Variants in LOC728392 observed in about 807,000 individuals in gnomAD.
chr17:5,500,110 C>G, the LOC728392 span: 1 of 986,306 alleles, frequency 1.0e-6, no homozygotes, highest in African/African-American at 1.7e-5. This position sits in a 1 kb window ranked among gnomAD's most constrained non-coding sequence, Gnocchi z 5.4. Flanking sequence ...CAGCTGGCTC[C>G]TCCTGGGGGC....
chr17:5,500,116 G>C, the LOC728392 span: 1 of 986,446 alleles, frequency 1.0e-6, no homozygotes, highest in Non-Finnish European at 1.2e-6. This position sits in a 1 kb window ranked among gnomAD's most constrained non-coding sequence, Gnocchi z 5.4. Flanking sequence ...GCTCCTCCTG[G>C]GGGCGATGCA....
the LOC728392 span, chr17:5,499,804 C>T: frequency 1.1e-3 from 1,119 of 986,054 alleles, 7 homozygotes; most frequent in African/African-American, 0.019. Context: ...GTCTCATCCT[C>T]AGGAGTGCGC....
At chr17:5,500,947 C>G in the LOC728392 span, 1 of 1,253,430 alleles carries the variant, frequency 8.0e-7, no homozygotes, top group South Asian at 1.3e-5. The surrounding 1 kb of genome is among the most constrained non-coding windows in gnomAD (Gnocchi z 5.4). Context: ...CGAAAGAGCC[C>G]GTCAGCCATG....
chr17:5,501,006 T>G, the LOC728392 span: 1 of 1,158,322 alleles, frequency 8.6e-7, no homozygotes, highest in Non-Finnish European at 1.1e-6. Flanking sequence ...CAGAGCGCAG[T>G]GGGCGGTGGG....
chr17:5,500,032 G>C, the LOC728392 span: 12 of 986,148 alleles, frequency 1.2e-5, no homozygotes, highest in Non-Finnish European at 1.4e-5. This position sits in a 1 kb window ranked among gnomAD's most constrained non-coding sequence, Gnocchi z 5.4. Flanking sequence ...GCCACTTACC[G>C]AGTCCCGCCC....
the LOC728392 span, chr17:5,500,180 A>C: frequency 1.0e-6 from 1 of 986,288 alleles, no homozygotes; most frequent in East Asian, 1.1e-4. This position sits in a 1 kb window ranked among gnomAD's most constrained non-coding sequence, Gnocchi z 5.4. Context: ...TCCCTGCCGG[A>C]CCCTCTCTAG....
chr17:5,500,935 G>T, the LOC728392 span: 1 of 1,256,196 alleles, frequency 8.0e-7, no homozygotes, highest in Non-Finnish European at 1.0e-6. The surrounding 1 kb of genome is among the most constrained non-coding windows in gnomAD (Gnocchi z 5.4). Context: ...CAGGGTCTGC[G>T]CCGAAAGAGC....
At chr17:5,499,698 G>T in the LOC728392 span, 3 of 891,996 alleles carry the variant, frequency 3.4e-6, no homozygotes, top group Non-Finnish European at 4.0e-6. Context: ...CTTTTGTCTT[G>T]GGTCTCACAG....
At chr17:5,499,842 T>C in the LOC728392 span, 1 of 985,674 alleles carries the variant, frequency 1.0e-6, no homozygotes, top group Non-Finnish European at 1.2e-6. Context: ...GCCGGCGGGG[T>C]CTGCAGCCAC....
At chr17:5,500,701 A>C in the LOC728392 span, 5 of 1,266,472 alleles carry the variant, frequency 3.9e-6, no homozygotes, top group Non-Finnish European at 5.1e-6. This position sits in a 1 kb window ranked among gnomAD's most constrained non-coding sequence, Gnocchi z 5.4. Context: ...TCGAGATAGC[A>C]GCCCTCGTCC....
the LOC728392 span, chr17:5,500,866 G>A: frequency 8.0e-7 from 1 of 1,245,484 alleles, no homozygotes; most frequent in Non-Finnish European, 1.0e-6. This position sits in a 1 kb window ranked among gnomAD's most constrained non-coding sequence, Gnocchi z 5.4. Context: ...GGGTCTTCCG[G>A]GGGAGGCTTG....
the LOC728392 span, chr17:5,500,657 T>C: frequency 1.6e-6 from 2 of 1,274,244 alleles, no homozygotes; most frequent in East Asian, 7.4e-5. The surrounding 1 kb of genome is among the most constrained non-coding windows in gnomAD (Gnocchi z 5.4). Flanking sequence ...AGGCGATGGC[T>C]GCGTAGATGA....
At chr17:5,500,774 GC>G in the LOC728392 span, 1 of 1,160,170 alleles carries the variant, frequency 8.6e-7, no homozygotes, top group Non-Finnish European at 1.1e-6. The surrounding 1 kb of genome is among the most constrained non-coding windows in gnomAD (Gnocchi z 5.4). Context: ...GCCCGGCGCG[GC>G]CCCCCTGCGC....
the LOC728392 span, chr17:5,500,324 T>C: frequency 1.9e-6 from 2 of 1,040,448 alleles, no homozygotes; most frequent in South Asian, 2.9e-5. The surrounding 1 kb of genome is among the most constrained non-coding windows in gnomAD (Gnocchi z 5.4). Context: ...CCAGGGGCAT[T>C]CTAATTATAA....
At chr17:5,500,510 C>T in the LOC728392 span, 1 of 1,190,742 alleles carries the variant, frequency 8.4e-7, no homozygotes, top group African/African-American at 1.7e-5. The surrounding 1 kb of genome is among the most constrained non-coding windows in gnomAD (Gnocchi z 5.4). Flanking sequence ...GGGGGTGCAG[C>T]GCTGTTCTAA....
the LOC728392 span, chr17:5,499,748 G>C: frequency 1.0e-6 from 1 of 984,590 alleles, no homozygotes; most frequent in East Asian, 1.1e-4. Context: ...CCATCCTAGA[G>C]TCCCCAAGGA....
the LOC728392 span, chr17:5,500,110 C>T: frequency 4.8e-5 from 47 of 986,306 alleles, no homozygotes; most frequent in Non-Finnish European, 5.7e-5. This position sits in a 1 kb window ranked among gnomAD's most constrained non-coding sequence, Gnocchi z 5.4. Context: ...CAGCTGGCTC[C>T]TCCTGGGGGC....
At chr17:5,500,981 C>G in the LOC728392 span, 9 of 1,231,556 alleles carry the variant, frequency 7.3e-6, no homozygotes, top group Non-Finnish European at 9.5e-6. This position sits in a 1 kb window ranked among gnomAD's most constrained non-coding sequence, Gnocchi z 5.4. Context: ...GTAGGTGGGT[C>G]AGCCGGGTCT....
the LOC728392 span, chr17:5,499,972 G>T: frequency 1.0e-6 from 1 of 986,090 alleles, no homozygotes; most frequent in African/African-American, 1.7e-5. Flanking sequence ...AAAACACACA[G>T]TCGTGGTCAG....
Sources: allele counts gnomAD v4.1 joint callset, GRCh38; gene constraint gnomAD v4.1.1; non-coding constraint Gnocchi (gnomAD v3.1); transcripts MANE v1.5.